The following MYRIP variants were observed in gnomAD, a reference collection of about 807,000 sequenced individuals.
The protein encoded by MYRIP is myosin VIIA and Rab interacting protein.
A neutral mutation model predicts 98.0 loss-of-function variants in MYRIP; 49 were observed. That is an observed-to-expected ratio of 0.50 (90% CI 0.40 to 0.63). The LOEUF is 0.63. Ranked by LOEUF, MYRIP falls within the 30% of genes least tolerant of loss-of-function variation. The probability of loss-of-function intolerance (pLI) is 0.00; values close to 1 mark genes in which losing one functional copy is unlikely to be tolerated. For missense variants in MYRIP, 1,004 were observed against 1,058.2 expected (o/e 0.95, Z 0.71); for synonymous variants, 404 against 409.5 (o/e 0.99, Z 0.16).
At chr3:40,185,325 AT>A in intron 9 of MYRIP, among the ~76,000 whole-genome samples, 1 of 152,258 alleles carries the variant, frequency 6.6e-6, no homozygotes, top group African/African-American at 2.4e-5. Flanking sequence ...ATAAACCTTG[AT>A]TAGGCATCTG....
At chr3:39,844,618 A>T (rs1218124927) in intron 1 of MYRIP, among the ~76,000 whole-genome samples, 2 of 152,134 alleles carry the variant, frequency 1.3e-5, no homozygotes, top group African/African-American at 2.4e-5. Flanking sequence ...TACTATAAAC[A>T]CCTAGCATGA....
At chr3:39,989,471 C>A (rs769929715) in intron 2 of MYRIP, among the ~76,000 whole-genome samples, 3 of 152,314 alleles carry the variant, frequency 2.0e-5, no homozygotes, top group Admixed American at 6.5e-5. Context: ...TGTCTGACAA[C>A]CCCTGTTGGA....
chr3:40,047,810 T>C (rs1947702392), intron 3 of MYRIP, among the ~76,000 whole-genome samples: 1 of 152,224 alleles, frequency 6.6e-6, no homozygotes, highest in African/African-American at 2.4e-5. Flanking sequence ...CAGTCTTTTA[T>C]GTTGTACCTG....
intron 16 of MYRIP, among the ~76,000 whole-genome samples, chr3:40,253,273 C>T (rs181186355): frequency 3.2e-4 from 49 of 152,332 alleles, no homozygotes; most frequent in African/African-American, 1.2e-3. Flanking sequence ...GAGTCACTGC[C>T]TGCCCAGTGA....
At chr3:40,021,822 T>A (rs1947006543) in intron 2 of MYRIP, among the ~76,000 whole-genome samples, 1 of 152,220 alleles carries the variant, frequency 6.6e-6, no homozygotes, top group South Asian at 2.1e-4. Flanking sequence ...CATATTGTAC[T>A]TATCTTTTAT....
At chr3:40,081,132 G>A (rs6803028) in intron 3 of MYRIP, among the ~76,000 whole-genome samples, 69,596 of 151,814 alleles carry the variant, frequency 0.46, 16,254 homozygotes, top group Admixed American at 0.52. Flanking sequence ...TCTCTGAAAT[G>A]TATTTAGACT....
intron 1 of MYRIP, among the ~76,000 whole-genome samples, chr3:39,830,612 G>A (rs117409271): frequency 0.011 from 1,690 of 152,206 alleles, 38 homozygotes; most frequent in East Asian, 0.064. Flanking sequence ...AATATGAAAT[G>A]TCGCTCCACT....
chr3:40,192,326 G>A (rs891626540), intron 10 of MYRIP, among the ~76,000 whole-genome samples: 251 of 16,992 alleles, frequency 0.015, 7 homozygotes, highest in African/African-American at 0.027. Flanking sequence ...ATATATATAT[G>A]TCATATATAT....
chr3:40,075,649 T>G (rs1948327986), intron 3 of MYRIP, among the ~76,000 whole-genome samples: 1 of 152,162 alleles, frequency 6.6e-6, no homozygotes, highest in Admixed American at 6.5e-5. Flanking sequence ...AGAATAATCT[T>G]TCAGTAAATA....
At chr3:40,114,110 A>C (rs979775473) in intron 3 of MYRIP, among the ~76,000 whole-genome samples, 2 of 152,222 alleles carry the variant, frequency 1.3e-5, no homozygotes, top group African/African-American at 4.8e-5. Context: ...TTTCTGCAAC[A>C]CAGAATATAG....
chr3:40,107,515 G>A (rs1024649883), intron 3 of MYRIP, among the ~76,000 whole-genome samples: 2 of 152,178 alleles, frequency 1.3e-5, no homozygotes, highest in African/African-American at 2.4e-5. Flanking sequence ...GATCTTGGAG[G>A]TCTTCTTGAC....
At chr3:39,839,648 G>A (rs981850326) in intron 1 of MYRIP, among the ~76,000 whole-genome samples, 1 of 152,092 alleles carries the variant, frequency 6.6e-6, no homozygotes, top group Non-Finnish European at 1.5e-5. Context: ...TTAAACAGTG[G>A]TTTAGCTGTG....
intron 2 of MYRIP, among the ~76,000 whole-genome samples, chr3:39,985,739 A>T (rs1946016156): frequency 6.6e-6 from 1 of 152,018 alleles, no homozygotes; most frequent in African/African-American, 2.4e-5. Context: ...TGGTGCTGGA[A>T]AAACTGGCTA....
intron 3 of MYRIP, among the ~76,000 whole-genome samples, chr3:40,115,691 C>T (rs1233673610): frequency 6.6e-6 from 1 of 152,052 alleles, no homozygotes; most frequent in African/African-American, 2.4e-5. Flanking sequence ...TTTCTATTCT[C>T]TTAGTTTACA....
intron 2 of MYRIP, among the ~76,000 whole-genome samples, chr3:39,934,261 A>G (rs1002826797): frequency 6.7e-6 from 1 of 149,576 alleles, no homozygotes; most frequent in Non-Finnish European, 1.5e-5. Context: ...GTATTTCAGT[A>G]CATCAGCTTT....
At chr3:39,885,880 T>C (rs1336479309) in intron 1 of MYRIP, among the ~76,000 whole-genome samples, 1 of 152,036 alleles carries the variant, frequency 6.6e-6, no homozygotes, top group African/African-American at 2.4e-5. Context: ...GTGTTGGTTA[T>C]TCTAGTTATA....
intron 10 of MYRIP, among the ~76,000 whole-genome samples, chr3:40,198,517 T>C (rs943073986): frequency 1.3e-5 from 2 of 152,344 alleles, no homozygotes. Context: ...CAGACTTCGA[T>C]TGCCTTTTAG....
chr3:40,071,971 G>A (rs1439366857), intron 3 of MYRIP, among the ~76,000 whole-genome samples: 2 of 152,102 alleles, frequency 1.3e-5, no homozygotes, highest in African/African-American at 4.8e-5. Context: ...CAGACTCTCT[G>A]CTAGACAAAC....
chr3:40,167,062 C>T, intron 6 of MYRIP, 97 bp from the exon 7 acceptor site: 2 of 1,387,268 alleles, frequency 1.4e-6, no homozygotes, highest in Non-Finnish European at 1.0e-6. Context: ...GAGCAAGGCC[C>T]TCCCTCTGCT....
Sources: allele counts gnomAD v4.1 joint callset (sites outside exome capture counted in the v4.1 genomes callset), GRCh38; gene constraint gnomAD v4.1.1; transcripts MANE v1.5; gene names NCBI Gene and HGNC (gene_info 2026-07-23, HGNC 2026-07-21).